Variants in TET2 observed in about 807,000 individuals in gnomAD.
TET2 encodes the protein methylcytosine dioxygenase TET2.
TET2 carries 299 observed loss-of-function variants against 142.9 expected under a neutral mutation model. The observed-to-expected ratio is 2.09, with a 90% CI of 1.90 to 2.30. The LOEUF (loss-of-function observed/expected upper bound fraction) is 2.30. Among genes scored for constraint, TET2 ranks in the 30% most tolerant of loss-of-function variants. TET2 has a pLI of 0.00. For synonymous variants in TET2, 819 were observed against 849.0 expected (o/e 0.96, Z 0.61); for missense variants, 2,418 against 2,378.0 (o/e 1.02, Z -0.35).
At chr4:105,169,845 C>T (rs1263900161) in intron 1 of TET2, among the ~76,000 whole-genome samples, 3 of 152,048 alleles carry the variant, frequency 2.0e-5, no homozygotes, top group Non-Finnish European at 4.4e-5. Context: ...GTGTCCTTTA[C>T]CTACTAATTT....
Position 105,261,814 on chromosome 4 carries a change from A to T in TET2, c.4010A>T (p.Tyr1337Phe), listed in dbSNP as rs779605102. The change falls in exon 8 of 11, where the codon TAT becomes TTT. Residue 1337 changes from tyrosine (Y) to phenylalanine (F), a missense_variant. Tyr to Phe is a conservative substitution (Grantham distance 22, BLOSUM62 3). Transcript: ENST00000380013. ...QNLSTLMAPT[Y>F]KKLAPDAYNN... is the part of the protein sequence containing the mutation. The stretch of plus-strand genomic sequence containing the variant: ...CTGTCCACTCTTATGGCACCAACAT[A>T]TAAGAAACTTGCACCTGATGCATAT... 4 of 1,549,480 alleles carry T rather than the reference A, an allele frequency of 2.6e-6. No individual in the cohort carries two copies. Among genetic ancestry groups the T allele is most frequent in the Non-Finnish European group, 2.6e-6 (3 of 1,145,606 alleles).
intron 2 of TET2, among the ~76,000 whole-genome samples, chr4:105,213,952 G>A (rs766782597): frequency 6.6e-6 from 1 of 151,980 alleles, no homozygotes; most frequent in Non-Finnish European, 1.5e-5. Flanking sequence ...CTCTGCTGCT[G>A]GGTTCAAGTG....
At chr4:105,252,567 GAA>G (rs996716971) in intron 6 of TET2, among the ~76,000 whole-genome samples, 1 of 152,146 alleles carries the variant, frequency 6.6e-6, no homozygotes, top group African/African-American at 2.4e-5. Flanking sequence ...GTAAGAGTAA[GAA>G]ATATTTTTTC....
Position 105,269,573 on chromosome 4 carries a change from A to G in TET2, c.4045-37A>G, listed in dbSNP as rs57482697. The G allele has an allele frequency of 3.8e-4, 588 of 1,548,052 alleles. 15 individuals carry two copies. In the East Asian group the frequency reaches 0.014, roughly 37 times the overall value. ...GAGTTTTCGGTGTAAGAGTAAAACT[A>G]ACTACTTTCGCATTCACACACACTT... On this transcript the variant is annotated intron_variant, in intron 8 of 10. Transcript: ENST00000380013.
At chr4:105,233,791 G>T in intron 2 of TET2, 106 bp from the exon 3 acceptor site, 1 of 626,918 alleles carries the variant, frequency 1.6e-6, no homozygotes, top group South Asian at 2.6e-5. Flanking sequence ...TAGGTATTCC[G>T]ATATTTATCC....
At chr4:105,176,488 T>C (rs2110434544) in intron 1 of TET2, among the ~76,000 whole-genome samples, 1 of 152,276 alleles carries the variant, frequency 6.6e-6, no homozygotes, top group African/African-American at 2.4e-5. Context: ...CTTTCCTGTA[T>C]ACCAGCAATA....
intron 7 of TET2, among the ~76,000 whole-genome samples, chr4:105,260,336 TAAC>T (rs1049582270): frequency 3.9e-5 from 6 of 152,254 alleles, no homozygotes; most frequent in African/African-American, 1.4e-4. Context: ...TTGATAAATT[TAAC>T]AACTTTTGGG....
chr4:105,236,843 A>G lies in TET2; in HGVS notation c.2901A>G (p.Gln967=), dbSNP rs997650930. Residue 967 remains glutamine (Q), a synonymous_variant, in exon 3 of 11, where the codon CAA becomes CAG. Transcript: ENST00000380013. ...AGCAAGAACAGCAGCAAACACAGCA[A>G]CCCCAAACTGAGTCTTGCCATAGTC... is the stretch of plus-strand genomic sequence containing the variant. ...LQKQEQQQTQ[Q]PQTESCHSQM... 1.9e-6 allele frequency: 3 copies of G among 1,613,966 alleles called. No individual in the cohort carries two copies. The highest frequency in any genetic ancestry group is 2.7e-5 in the African/African-American group (2 of 74,894).
Position 105,235,849 on chromosome 4 carries a change from T to C in TET2, c.1907T>C (p.Val636Ala), listed in dbSNP as rs773520187. The C allele has an allele frequency of 8.7e-6, 14 of 1,613,788 alleles. No homozygotes were observed. Among genetic ancestry groups the C allele is most frequent in the Non-Finnish European group, 1.2e-5 (14 of 1,179,984 alleles). The change falls in exon 3 of 11, where the codon GTT becomes GCT. Residue 636 changes from valine to alanine, a missense_variant. Transcript: ENST00000380013. Reference sequence around the variant, plus strand: ...GAGCACAAGTCACAAATGTACCAAGTTGAAATGAATCAAGGGCAGTCCCAA... The same window carrying C: ...GAGCACAAGTCACAAATGTACCAAGCTGAAATGAATCAAGGGCAGTCCCAA... Reference protein sequence around the residue: ...QLEHKSQMYQVEMNQGQSQGT... With the variant: ...QLEHKSQMYQAEMNQGQSQGT...
In TET2 at chr4:105,237,220, C is replaced by A. The variant is rs146363095; in HGVS notation, c.3278C>A (p.Thr1093Asn). 2 of 1,614,002 alleles carry A rather than the reference C, an allele frequency of 1.2e-6. No homozygotes were observed. Among genetic ancestry groups the A allele is most frequent in the African/African-American group, 2.7e-5 (2 of 74,900 alleles). ...ACAACTTCTTCAGAAAAGACACCAA[C>A]CAAAAGAACAGCTGCTTCTGTTCTC... is the stretch of plus-strand genomic sequence containing the variant. Reference protein sequence around the residue: ...QQTTSSEKTPTKRTAASVLNN... With the variant: ...QQTTSSEKTPNKRTAASVLNN... Residue 1093 changes from threonine to asparagine, a missense_variant, in exon 3 of 11, where the codon ACC (threonine) becomes AAC (asparagine). By Grantham distance (65) the Thr-to-Asn change is moderately conservative. Transcript: ENST00000380013.
Position 105,234,377 on chromosome 4 carries a change from T to G in TET2, c.435T>G (p.Ser145Arg). Residue 145 changes from serine to arginine, a missense_variant, in exon 3 of 11, where the codon AGT (serine) becomes AGG (arginine). Coordinates refer to ENST00000380013, the MANE Select transcript of TET2 (RefSeq NM_001127208.3). ...GTCAACCAAATGTCTCCGATTTGAG[T>G]GATAAGAAAGAATCTGTGAGTTCTG... ...ESSQPNVSDL[S>R]DKKESVSSVA... The G allele has an allele frequency of 6.2e-7, 1 of 1,613,762 alleles. No individual in the cohort carries two copies. The highest frequency in any genetic ancestry group is 8.5e-7 in the Non-Finnish European group (1 of 1,179,956).
intron 2 of TET2, among the ~76,000 whole-genome samples, chr4:105,216,292 A>G (rs1727488901): frequency 6.6e-6 from 1 of 152,058 alleles, no homozygotes; most frequent in East Asian, 1.9e-4. Flanking sequence ...GGTCGGGGGG[A>G]GGAGAGTTAA....
At chr4:105,160,817 C>CCCAGGCTG (rs1294588456) in intron 1 of TET2, among the ~76,000 whole-genome samples, 1 of 152,268 alleles carries the variant, frequency 6.6e-6, no homozygotes, top group Non-Finnish European at 1.5e-5. Context: ...CCCTCTGTCG[C>CCCAGGCTG]CCAGGCTGGA....
At position 105,275,140 on chromosome 4, in the gene TET2, C is replaced by A. The variant is rs745880123; in HGVS notation, c.4630C>A (p.Pro1544Thr). The A allele has an allele frequency of 3.9e-6, 6 of 1,551,700 alleles. No homozygotes were observed. In the East Asian group the frequency reaches 1.2e-4, roughly 32 times the overall value. ...ACCACAGCCCCAGCAGCAGCAGAGA[C>A]CCCAGCAGCAGCAGCCACATCACCC... The part of the protein sequence containing the change: ...QPPQPQQQQR[P>T]QQQQPHHPQT... The change falls in exon 11 of 11, where the codon CCC (proline) becomes ACC (threonine). Residue 1544 changes from proline to threonine, a missense_variant. By Grantham distance (38) the Pro-to-Thr change is conservative. Transcript: ENST00000380013.
At chr4:105,186,814 A>G (rs1038897725) in intron 1 of TET2, among the ~76,000 whole-genome samples, 1 of 152,088 alleles carries the variant, frequency 6.6e-6, no homozygotes, top group African/African-American at 2.4e-5. Flanking sequence ...CTTTCAAAAC[A>G]TGTATATAAG....
At chr4:105,151,805 T>C (rs1723312018) in intron 1 of TET2, among the ~76,000 whole-genome samples, 1 of 152,250 alleles carries the variant, frequency 6.6e-6, no homozygotes, top group Non-Finnish European at 1.5e-5. Context: ...CCGGTTGTGG[T>C]GGCTCATGCC....
chr4:105,240,458 T>C, intron 3 of TET2: 2 of 1,076,170 alleles, frequency 1.9e-6, no homozygotes, highest in South Asian at 9.1e-5. Context: ...GCAGCATAGA[T>C]TTAGTCAAAG....
In TET2 at chr4:105,233,883, T is replaced by C. The variant is rs1728660653; in HGVS notation, c.-46-14T>C. On this transcript the variant is annotated splice_polypyrimidine_tract_variant and intron_variant, in intron 2 of 10. Transcript: ENST00000380013. ...AAATAAACACATTTTAATTTTTGTT[T>C]CCATGCTCTTTAGAATTCAACTAGA... 7.0e-7 allele frequency: 1 copy of C among 1,425,550 alleles called. No homozygotes were observed. The highest frequency in any genetic ancestry group is 9.6e-7 in the Non-Finnish European group (1 of 1,046,800). 88.3% of individuals were successfully genotyped at this position (1,425,550 alleles called of 1,614,324 possible).
intron 2 of TET2, among the ~76,000 whole-genome samples, chr4:105,216,558 G>T (rs1727508085): frequency 6.6e-6 from 1 of 151,986 alleles, no homozygotes; most frequent in Non-Finnish European, 1.5e-5. Flanking sequence ...GGTTGTTGGT[G>T]ATATTTGAAG....
Sources: gnomAD v4.1 joint callset for allele counts (sites outside exome capture counted in the v4.1 genomes callset) on GRCh38, gnomAD v4.1.1 for gene constraint, MANE v1.5 for transcripts, NCBI Gene and HGNC (gene_info 2026-07-23, HGNC 2026-07-21) for gene names.